PRIM2: variants seen among roughly 807,000 people sequenced by gnomAD.
The protein encoded by PRIM2 is DNA primase large subunit.
In PRIM2, 39 loss-of-function variants were observed where a neutral mutation model predicts 67.3. That is an observed-to-expected ratio of 0.58 (90% CI 0.45 to 0.76). PRIM2 has a LOEUF of 0.76. Ranked by LOEUF, PRIM2 falls within the 30% of genes least tolerant of loss-of-function variation. The pLI, the probability that PRIM2 is intolerant of heterozygous loss-of-function variation, is 0.00. For synonymous variants in PRIM2, 143 were observed against 198.7 expected, an observed-to-expected ratio of 0.72 and a Z score of 2.36; for missense variants, 398 against 598.7, an observed-to-expected ratio of 0.66 and a Z score of 3.50.
At chr6:57,389,025 G>T (rs1238471115) in intron 7 of PRIM2, among the ~76,000 whole-genome samples, 1 of 152,142 alleles carries the variant, frequency 6.6e-6, no homozygotes, top group Non-Finnish European at 1.5e-5. Context: ...TTAGAAAATG[G>T]GGCAGATCCT....
chr6:57,472,019 G>A (rs1390896612), intron 7 of PRIM2, among the ~76,000 whole-genome samples: 4 of 152,084 alleles, frequency 2.6e-5, no homozygotes, highest in Non-Finnish European at 4.4e-5. Flanking sequence ...GCTGACCAGG[G>A]AATATTTTAA....
intron 8 of PRIM2, among the ~76,000 whole-genome samples, chr6:57,528,142 T>C (rs1774802415): frequency 6.6e-6 from 1 of 151,700 alleles, no homozygotes; most frequent in Non-Finnish European, 1.5e-5. Context: ...TTTTTTTTTT[T>C]TTTTTATAGC....
chr6:57,266,319 G>A, the PRIM2 span, among the ~76,000 whole-genome samples: 1 of 152,068 alleles, frequency 6.6e-6, no homozygotes, highest in Non-Finnish European at 1.5e-5. Flanking sequence ...TAGATTTTTG[G>A]TGCAAATATC....
At chr6:57,491,343 A>G (rs1468849431) in intron 7 of PRIM2, among the ~76,000 whole-genome samples, 68 of 152,354 alleles carry the variant, frequency 4.5e-4, no homozygotes, top group African/African-American at 1.6e-3. Flanking sequence ...TTATGAATTC[A>G]TATTGCATTT....
chr6:57,609,734 G>A (rs1776630781), intron 12 of PRIM2, among the ~76,000 whole-genome samples: 2 of 152,158 alleles, frequency 1.3e-5, no homozygotes, highest in Admixed American at 6.5e-5. Context: ...GAACACAGAT[G>A]TATAGTGCAT....
chr6:57,417,343 G>A (rs1342298265), intron 7 of PRIM2, among the ~76,000 whole-genome samples: 3 of 152,028 alleles, frequency 2.0e-5, no homozygotes, highest in Non-Finnish European at 2.9e-5. Flanking sequence ...TTGCATTTAC[G>A]ACTTTGCTCA....
intron 12 of PRIM2, among the ~76,000 whole-genome samples, chr6:57,617,149 GCTT>G (rs1776770628): frequency 1.3e-5 from 2 of 152,194 alleles, no homozygotes; most frequent in Admixed American, 6.5e-5. Flanking sequence ...GTTTTTCCCA[GCTT>G]CTGGTGGTTT....
At chr6:57,625,594 G>T (rs1277369375) in intron 12 of PRIM2, among the ~76,000 whole-genome samples, 44 of 152,238 alleles carry the variant, frequency 2.9e-4, no homozygotes, top group African/African-American at 9.6e-4. Context: ...AGGTACTCTT[G>T]TGGCAATGTG....
At chr6:57,598,803 A>C (rs1776413793) in intron 10 of PRIM2, among the ~76,000 whole-genome samples, 1 of 150,138 alleles carries the variant, frequency 6.7e-6, no homozygotes, top group Non-Finnish European at 1.5e-5. Flanking sequence ...GAGCTGCTCT[A>C]GCACATTACT....
At chr6:57,350,686 C>T (rs1768831210) in intron 5 of PRIM2, among the ~76,000 whole-genome samples, 1 of 152,054 alleles carries the variant, frequency 6.6e-6, no homozygotes, top group Non-Finnish European at 1.5e-5. Flanking sequence ...CAACAGCAGC[C>T]TTAGTGTAAT....
At chr6:57,595,023 C>T (rs1776341376) in intron 10 of PRIM2, among the ~76,000 whole-genome samples, 1 of 152,126 alleles carries the variant, frequency 6.6e-6, no homozygotes. Flanking sequence ...TGAAAAAGTG[C>T]TCATGATCAT....
chr6:57,564,033 A>G (rs1377802515), intron 10 of PRIM2, among the ~76,000 whole-genome samples: 2 of 152,220 alleles, frequency 1.3e-5, no homozygotes, highest in Non-Finnish European at 1.5e-5. Context: ...TAGTGGCAAA[A>G]TAAAAGATAC....
upstream of PRIM2, among the ~76,000 whole-genome samples, chr6:57,316,093 T>C (rs1267764397): frequency 2.0e-5 from 3 of 152,232 alleles, no homozygotes; most frequent in Non-Finnish European, 2.9e-5. Flanking sequence ...GGTTTGAACA[T>C]GGCTCTGACA....
At chr6:57,485,387 G>A (rs1225749707) in intron 7 of PRIM2, among the ~76,000 whole-genome samples, 1 of 152,106 alleles carries the variant, frequency 6.6e-6, no homozygotes, top group Non-Finnish European at 1.5e-5. Flanking sequence ...CCCCTCTTTG[G>A]GTAGTTAGAA....
the PRIM2 span, among the ~76,000 whole-genome samples, chr6:57,300,171 C>T: frequency 1.3e-5 from 2 of 152,214 alleles, no homozygotes; most frequent in African/African-American, 4.8e-5. Flanking sequence ...ACTTTCCCTG[C>T]ATCAGAAGCC....
At chr6:57,367,422 A>G (rs1769396098) in intron 5 of PRIM2, among the ~76,000 whole-genome samples, 1 of 152,210 alleles carries the variant, frequency 6.6e-6, no homozygotes, top group South Asian at 2.1e-4. Flanking sequence ...AAACTAACTT[A>G]TTTTAGGTTG....
intron 5 of PRIM2, among the ~76,000 whole-genome samples, chr6:57,335,917 C>G (rs188166097): frequency 6.6e-6 from 1 of 151,956 alleles, no homozygotes; most frequent in African/African-American, 2.4e-5. Context: ...CTCCGAGCTA[C>G]GGGAGGACAT....
the PRIM2 span, among the ~76,000 whole-genome samples, chr6:57,248,544 A>G: frequency 1.3e-5 from 2 of 152,220 alleles, no homozygotes; most frequent in African/African-American, 4.8e-5. Context: ...GCTTAAGAGC[A>G]TAGGTAACAG....
chr6:57,569,810 G>A (rs1344392546), intron 10 of PRIM2, among the ~76,000 whole-genome samples: 1 of 151,536 alleles, frequency 6.6e-6, no homozygotes, highest in African/African-American at 2.4e-5. Context: ...GTAGTGGCAC[G>A]ATCTTGGCTC....
Sources: allele counts gnomAD v4.1 joint callset (sites outside exome capture counted in the v4.1 genomes callset), GRCh38; gene constraint gnomAD v4.1.1; transcripts MANE v1.5; gene names NCBI Gene and HGNC (gene_info 2026-07-23, HGNC 2026-07-21).